TAMALIN: variants seen among roughly 807,000 people sequenced by gnomAD.
The protein encoded by TAMALIN is trafficking regulator and scaffold protein tamalin.
Under a neutral mutation model 38.5 loss-of-function variants are expected in TAMALIN, and 9 were observed. The ratio of observed to expected loss-of-function variants is 0.23; its 90% CI spans 0.14 to 0.41. The LOEUF (loss-of-function observed/expected upper bound fraction) is 0.41. TAMALIN is among the 10% of genes least tolerant of loss of function. The pLI, the probability that TAMALIN is intolerant of heterozygous loss-of-function variation, is 1.00. For missense variants in TAMALIN, 548 were observed against 554.1 expected (o/e 0.99, Z 0.11); for synonymous variants, 306 against 256.5 (o/e 1.19, Z -1.85).
At chr12:52,014,067 C>T (rs914046142) in intron 6 of TAMALIN, 68 bp from the exon 7 acceptor site, 3 of 1,560,668 alleles carry the variant, frequency 1.9e-6, no homozygotes, top group Non-Finnish European at 2.6e-6. Flanking sequence ...CCTGATCCCT[C>T]GTCTGTACCC....
chr12:52,014,676 TCTCCCGTCTCTGCGCA>T lies in TAMALIN; in HGVS notation c.683-17_683-2del. 6.8e-7 allele frequency: 1 copy of T among 1,465,594 alleles called. No homozygotes were observed. The highest frequency in any genetic ancestry group is 1.4e-5 in the South Asian group (1 of 69,506). 90.8% of individuals were successfully genotyped at this position (1,465,594 alleles called of 1,614,324 possible). A position where few individuals can be genotyped will look rare whatever the true frequency, so the allele number is the denominator to read the frequency against. ...GTCCAGGCCTGACCCGCCCCCTACC[TCTCCCGTCTCTGCGCA>T]GGCCTGGTGGTGAAGGACCCCAGCA... On this transcript the variant is annotated splice_acceptor_variant and splice_polypyrimidine_tract_variant and intron_variant, in intron 7 of 7. Coordinates refer to ENST00000293662, the MANE Select transcript of TAMALIN (RefSeq NM_181711.4). LOFTEE classifies it high-confidence loss of function.
intron 2 of TAMALIN, among the ~76,000 whole-genome samples, chr12:52,009,571 C>G (rs1178887544): frequency 6.6e-6 from 1 of 151,930 alleles, no homozygotes; most frequent in African/African-American, 2.4e-5. Flanking sequence ...CCCAGGCCTC[C>G]TGGGCTCCCC....
In TAMALIN at chr12:52,015,522, G is replaced by A. The variant is rs565707317; in HGVS notation, c.*323G>A. On this transcript the variant is annotated 3_prime_UTR_variant, in exon 8 of 8. Coordinates refer to ENST00000293662, the MANE Select transcript of TAMALIN (RefSeq NM_181711.4). ...ATCCAGGAACACCCTCCCAGCAGGG[G>A]ATGGGAACCCTGTCCCATGAAGCCC... is the stretch of plus-strand genomic sequence containing the variant. The A allele has an allele frequency of 1.9e-5, 5 of 257,080 alleles. No individual in the cohort carries two copies. Among genetic ancestry groups the A allele is most frequent in the African/African-American group, 4.6e-5 (2 of 43,336 alleles). The allele number at this position is 257,080 out of a possible 1,614,324, so 15.9% of individuals were successfully genotyped here. A position where few individuals can be genotyped will look rare whatever the true frequency, so the allele number is the denominator to read the frequency against.
rs1942422006 is a variant in TAMALIN, at chr12:52,007,012, C to A, written c.-8C>A. On this transcript the variant is annotated 5_prime_UTR_variant, in exon 1 of 8. Transcript: ENST00000293662. The surrounding 1 kb of genome is among the most constrained non-coding windows in gnomAD (Gnocchi z 6.7). ...CGCCGTCTCTGAGGGGCGTCCGGCG[C>A]CGGAGCCATGACCCTCCGCCGACTC... 2.2e-6 allele frequency: 3 copies of A among 1,385,262 alleles called. No homozygotes were observed. The South Asian group carries it at 4.8e-5, about 22-fold the overall frequency. 85.8% of individuals were successfully genotyped at this position (1,385,262 alleles called of 1,614,324 possible).
In TAMALIN at chr12:52,011,309, G is replaced by A. The variant is rs1592272515; in HGVS notation, c.454+168G>A. ...CTGGGCTTTGGATCTAGGCAAATTT[G>A]CCATGTACTGTGTGATCTTGCACAG... On this transcript the variant is annotated intron_variant, in intron 4 of 7. Transcript: ENST00000293662. This position sits in a 1 kb window ranked among gnomAD's most constrained non-coding sequence, Gnocchi z 5.3. The A allele has an allele frequency of 8.3e-7, 1 of 1,203,048 alleles. No individual in the cohort carries two copies. The highest frequency in any genetic ancestry group is 1.3e-5 in the South Asian group (1 of 75,892). The allele number at this position is 1,203,048 out of a possible 1,614,324, so 74.5% of individuals were successfully genotyped here.
At position 52,013,688 on chromosome 12, in the gene TAMALIN, G is replaced by A. The variant is rs772535561; in HGVS notation, c.456G>A (p.Gly152=). The A allele has an allele frequency of 8.1e-6, 13 of 1,613,934 alleles. No homozygotes were observed. The South Asian group carries it at 1.1e-4, about 14-fold the overall frequency. The change falls in exon 5 of 8, where the codon GGG becomes GGA. Residue 152 remains glycine (G), a splice_region_variant and synonymous_variant. Coordinates refer to ENST00000293662, the MANE Select transcript of TAMALIN (RefSeq NM_181711.4). The part of the protein sequence containing the change: ...SPAQLAGLTP[G]DTIASVNGLN... ...CTAACCCCCTTGTCTGCCTGGCAGG[G>A]GACACCATCGCCAGCGTCAATGGCC...
At chr12:52,010,420 T>C in intron 2 of TAMALIN, 1 of 829,484 alleles carries the variant, frequency 1.2e-6, no homozygotes. Flanking sequence ...TCTGGTGGGC[T>C]GGCCCCAGCA....
chr12:52,010,676 G>A, intron 2 of TAMALIN: 1 of 933,574 alleles, frequency 1.1e-6, no homozygotes, highest in Non-Finnish European at 1.5e-6. Flanking sequence ...ACTAGAGGCT[G>A]GATTGGTTCT....
intron 2 of TAMALIN, among the ~76,000 whole-genome samples, chr12:52,009,711 T>C (rs1014133102): frequency 1.3e-5 from 2 of 152,164 alleles, no homozygotes; most frequent in Admixed American, 6.5e-5. Context: ...GGCAGCCCTC[T>C]TAGGAGGGAT....
chr12:52,012,608 A>G (rs1404841460), intron 4 of TAMALIN, among the ~76,000 whole-genome samples: 1 of 152,212 alleles, frequency 6.6e-6, no homozygotes, highest in Non-Finnish European at 1.5e-5. Context: ...TTGGGGATGA[A>G]GCCTCAACAT....
At position 52,011,419 on chromosome 12, in the gene TAMALIN, T is replaced by C; in HGVS notation, c.454+278T>C. The stretch of plus-strand genomic sequence containing the variant: ...CCCTGGGCACACTGCCAGGGCCTAA[T>C]TAATGGTGGATGATGCTGCTGCTGC... On this transcript the variant is annotated intron_variant, in intron 4 of 7. Transcript: ENST00000293662. This position sits in a 1 kb window ranked among gnomAD's most constrained non-coding sequence, Gnocchi z 5.3. 2 of 596,268 alleles carry C rather than the reference T, an allele frequency of 3.4e-6. No individual in the cohort carries two copies. Among genetic ancestry groups the C allele is most frequent in the Non-Finnish European group, 6.0e-6 (2 of 334,112 alleles). 36.9% of individuals were successfully genotyped at this position (596,268 alleles called of 1,614,324 possible). A position where few individuals can be genotyped will look rare whatever the true frequency, so the allele number is the denominator to read the frequency against.
In TAMALIN at chr12:52,014,197, G is replaced by A; in HGVS notation, c.678G>A (p.Val226=). The A allele has an allele frequency of 6.3e-7, 1 of 1,598,352 alleles. No individual in the cohort carries two copies. The change falls in exon 7 of 8, where the codon GTG becomes GTA. Residue 226 remains valine, a synonymous_variant. Transcript: ENST00000293662. Reference sequence around the variant, plus strand: ...TAATGGTGCAGGAGCAGCGGCTGGTGCATGGTGAGTAGATCCCGGGGTGTG... The same window carrying A: ...TAATGGTGCAGGAGCAGCGGCTGGTACATGGTGAGTAGATCCCGGGGTGTG... ...RSLMVQEQRL[V]HGLVVKDPSI...
chr12:52,014,603 C>A, intron 7 of TAMALIN, 91 bp from the exon 8 acceptor site: 2 of 976,008 alleles, frequency 2.0e-6, no homozygotes, highest in Non-Finnish European at 2.9e-6. Flanking sequence ...CAGGACGGAG[C>A]GGGGACGCCC....
chr12:52,015,087 C>T lies in TAMALIN; in HGVS notation c.1076C>T (p.Ala359Val). 6.5e-7 allele frequency: 1 copy of T among 1,539,452 alleles called. No individual in the cohort carries two copies. The highest frequency in any genetic ancestry group is 1.2e-5 in the South Asian group (1 of 85,286). Residue 359 changes from alanine to valine, a missense_variant, in exon 8 of 8, where the codon GCC (alanine) becomes GTC (valine). Coordinates refer to ENST00000293662, the MANE Select transcript of TAMALIN (RefSeq NM_181711.4). ...CTCTGGACTGAGGCTCGCGAGCAGG[C>T]CCTATGCGGCCCCGGCCTGCGCAAA... ...GALWTEAREQALCGPGLRKTK... is the reference protein window; with the variant it reads ...GALWTEAREQVLCGPGLRKTK...
intron 4 of TAMALIN, among the ~76,000 whole-genome samples, chr12:52,013,279 G>A (rs2701133): frequency 0.45 from 65,814 of 147,122 alleles, 15,841 homozygotes; most frequent in African/African-American, 0.6. Context: ...GGGTTTCACC[G>A]TGTTAGCCAG....
At chr12:52,009,367 C>G (rs764432747) in intron 2 of TAMALIN, 128 bp downstream of exon 2, 229 of 887,214 alleles carry the variant, frequency 2.6e-4, no homozygotes, top group Non-Finnish European at 3.7e-4. Context: ...GGCTCCCCCG[C>G]TGGGAGTGAG....
In TAMALIN at chr12:52,015,236, T is replaced by G. The variant is rs1241527195; in HGVS notation, c.*37T>G. The stretch of plus-strand genomic sequence containing the variant: ...GGCAGGGAGGTATTTATTTATTTAT[T>G]CGCAACAGCCAGCGCTAAAAGAGGG... On this transcript the variant is annotated 3_prime_UTR_variant, in exon 8 of 8. Coordinates refer to ENST00000293662, the MANE Select transcript of TAMALIN (RefSeq NM_181711.4). 1.3e-6 allele frequency: 2 copies of G among 1,556,806 alleles called. No homozygotes were observed. Among genetic ancestry groups the G allele is most frequent in the Admixed American group, 3.6e-5 (2 of 54,884 alleles).
chr12:52,007,786 GC>G lies in TAMALIN; in HGVS notation c.246+523del, dbSNP rs1565629523. 1 of 985,306 alleles carries G rather than the reference GC, an allele frequency of 1.0e-6. No individual in the cohort carries two copies. The highest frequency in any genetic ancestry group is 1.1e-4 in the East Asian group (1 of 8,802). 61.0% of individuals were successfully genotyped at this position (985,306 alleles called of 1,614,324 possible). On this transcript the variant is annotated intron_variant, in intron 1 of 7. Transcript: ENST00000293662. This position sits in a 1 kb window ranked among gnomAD's most constrained non-coding sequence, Gnocchi z 6.7. ...GGACTCCCCGATTCCTGGGCTGGGGGCCTGCCGCCTGGCCCCACGTCTGACG... is the reference window on the plus strand; with the variant it reads ...GGACTCCCCGATTCCTGGGCTGGGGGCTGCCGCCTGGCCCCACGTCTGACG...
At chr12:52,013,649 C>T in intron 4 of TAMALIN, 38 bp from the exon 5 acceptor site, 4 of 1,578,892 alleles carry the variant, frequency 2.5e-6, no homozygotes, top group Non-Finnish European at 1.7e-6. Flanking sequence ...TCTAGCATGC[C>T]CCATGGAGCA....
Sources: allele counts gnomAD v4.1 joint callset (sites outside exome capture counted in the v4.1 genomes callset), GRCh38; gene constraint gnomAD v4.1.1; non-coding constraint Gnocchi (gnomAD v3.1); transcripts MANE v1.5; gene names NCBI Gene and HGNC (gene_info 2026-07-23, HGNC 2026-07-21).